The following RIOX2 variants were observed in gnomAD, a reference collection of about 807,000 sequenced individuals.
The protein encoded by RIOX2 is ribosomal oxygenase 2.
In RIOX2, 43 loss-of-function variants were observed where a neutral mutation model predicts 51.2. That is an observed-to-expected ratio of 0.84 (90% confidence interval 0.66 to 1.08). The LOEUF (loss-of-function observed/expected upper bound fraction) is 1.08. Among genes scored for constraint, RIOX2 ranks in the 50% least tolerant of loss-of-function variants. The pLI is 0.00. For missense variants in RIOX2, 566 were observed against 561.7 expected, an observed-to-expected ratio of 1.01 and a Z score of -0.08; for synonymous variants, 226 against 218.5, an observed-to-expected ratio of 1.03 and a Z score of -0.30.
intron 2 of RIOX2, among the ~76,000 whole-genome samples, chr3:97,965,291 C>G (rs2107190961): frequency 6.6e-6 from 1 of 150,570 alleles, no homozygotes; most frequent in East Asian, 2.0e-4. Flanking sequence ...GCGGGTGGAT[C>G]ACCTGAGGGC....
Position 97,943,476 on chromosome 3 carries a change from G to A in RIOX2, c.*1708C>T. ...CTCTGAGACTATCGCTCTTAACCATGGAAAAGCTCAAAATATTCTTGCCAT... is the reference window on the plus strand; with the variant it reads ...CTCTGAGACTATCGCTCTTAACCATAGAAAAGCTCAAAATATTCTTGCCAT... On this transcript the variant is annotated 3_prime_UTR_variant, in exon 10 of 10. Transcript: ENST00000394198. 1.7e-6 allele frequency: 1 copy of A among 577,458 alleles called. No homozygotes were observed. Among genetic ancestry groups the A allele is most frequent in the South Asian group, 2.2e-5 (1 of 46,200 alleles). 35.8% of individuals were successfully genotyped at this position (577,458 alleles called of 1,614,324 possible). A position where few individuals can be genotyped will look rare whatever the true frequency, so the allele number is the denominator to read the frequency against.
At chr3:97,966,076 A>G (rs1004695859) in intron 2 of RIOX2, among the ~76,000 whole-genome samples, 1 of 152,218 alleles carries the variant, frequency 6.6e-6, no homozygotes, top group African/African-American at 2.4e-5. Flanking sequence ...AAAATCTAAG[A>G]GCACTCATAC....
Position 97,945,885 on chromosome 3 carries a change from A to T in RIOX2, c.1152T>A (p.Asp384Glu). 6.3e-7 allele frequency: 1 copy of T among 1,599,038 alleles called. No individual in the cohort carries two copies. ...TGTACACCATCTTTTCTTGAGCTTC[A>T]TCCTTTGGGGAAAAAATAAATGCAT... The part of the protein sequence containing the change: ...LTVLPDQDQS[D>E]EAQEKMVYIY... The change falls in exon 9 of 10, where the codon GAT becomes GAA. Residue 384 changes from aspartate to glutamate, a missense_variant and splice_region_variant. Physicochemically the swap from Asp to Glu is conservative, Grantham distance 45. Coordinates refer to ENST00000394198, the MANE Select transcript of RIOX2 (RefSeq NM_153182.4).
At chr3:97,960,954 T>C (rs941410110) in intron 3 of RIOX2, among the ~76,000 whole-genome samples, 4 of 152,242 alleles carry the variant, frequency 2.6e-5, no homozygotes, top group Non-Finnish European at 4.4e-5. Context: ...TGAAAATGTA[T>C]TGATGTCAAA....
In RIOX2 at chr3:97,942,508, T is replaced by C; in HGVS notation, c.*2676A>G. 7.0e-7 allele frequency: 1 copy of C among 1,422,788 alleles called. No homozygotes were observed. Among genetic ancestry groups the C allele is most frequent in the African/African-American group, 1.4e-5 (1 of 70,460 alleles). The allele number at this position is 1,422,788 out of a possible 1,614,324, so 88.1% of individuals were successfully genotyped here. ...TTAGTTTCAGTTCCAAATCTCCTCA[T>C]TTTGGGTAAAGGACATCCTTATGTA... is the stretch of plus-strand genomic sequence containing the variant. On this transcript the variant is annotated 3_prime_UTR_variant, in exon 10 of 10. Coordinates refer to ENST00000394198, the MANE Select transcript of RIOX2 (RefSeq NM_153182.4).
intron 2 of RIOX2, among the ~76,000 whole-genome samples, chr3:97,965,823 T>C (rs1283103228): frequency 6.6e-6 from 1 of 152,232 alleles, no homozygotes; most frequent in Non-Finnish European, 1.5e-5. Flanking sequence ...AATTCATTTA[T>C]GTTTAGAGTT....
At chr3:97,955,244 G>C (rs1705407140) in intron 4 of RIOX2, among the ~76,000 whole-genome samples, 1 of 152,078 alleles carries the variant, frequency 6.6e-6, no homozygotes, top group African/African-American at 2.4e-5. Context: ...TGAAAAATAA[G>C]ATGTAATCAA....
rs773244845 is a variant in RIOX2, at chr3:97,959,093, G to A, written c.639C>T (p.Ala213=). ...VPLAREYSVE[A]EERIGRPVHE... is the part of the protein sequence containing the mutation. Reference sequence around the variant, plus strand: ...GCACCGGCCTGCCGATCCTTTCCTCGGCCTCCACGCTGTACTCTCGTGCCA... The same window carrying A: ...GCACCGGCCTGCCGATCCTTTCCTCAGCCTCCACGCTGTACTCTCGTGCCA... The change falls in exon 4 of 10, where the codon GCC becomes GCT. Residue 213 remains alanine, a synonymous_variant. Transcript: ENST00000394198. The A allele has an allele frequency of 9.7e-5, 157 of 1,612,376 alleles. No homozygotes were observed. Among genetic ancestry groups the A allele is most frequent in the Non-Finnish European group, 1.3e-4 (151 of 1,179,308 alleles).
chr3:97,943,216 T>C lies in RIOX2; in HGVS notation c.*1968A>G. The C allele has an allele frequency of 6.7e-7, 1 of 1,499,912 alleles. No individual in the cohort carries two copies. Among genetic ancestry groups the C allele is most frequent in the Non-Finnish European group, 9.2e-7 (1 of 1,088,094 alleles). The allele number at this position is 1,499,912 out of a possible 1,614,324, so 92.9% of individuals were successfully genotyped here. On this transcript the variant is annotated 3_prime_UTR_variant, in exon 10 of 10. Transcript: ENST00000394198. ...ACAAATAATCTTTTCTTTTGGAATTTCTATTTTAGGAGGAAATTATTGTGA... is the reference window on the plus strand; with the variant it reads ...ACAAATAATCTTTTCTTTTGGAATTCCTATTTTAGGAGGAAATTATTGTGA...
intron 2 of RIOX2, among the ~76,000 whole-genome samples, chr3:97,965,199 T>A (rs1216136623): frequency 1.1e-5 from 1 of 93,686 alleles, no homozygotes; most frequent in African/African-American, 4.5e-5. Context: ...GCACGGGTGG[T>A]ACAAAGAGAT....
At chr3:97,959,318 T>TTG in intron 3 of RIOX2, 139 bp from the exon 4 acceptor site, 2 of 829,888 alleles carry the variant, frequency 2.4e-6, no homozygotes, top group Non-Finnish European at 3.4e-6. Flanking sequence ...TTTTTTTTTT[T>TTG]TTTTTTTTTT....
intron 8 of RIOX2, 40 bp downstream of exon 8, chr3:97,947,321 C>A: frequency 6.5e-7 from 1 of 1,526,850 alleles, no homozygotes; most frequent in Non-Finnish European, 9.0e-7. Context: ...ATGAAAAACA[C>A]CCTGAGAAGA....
chr3:97,953,305 C>T (rs900942985), intron 5 of RIOX2, among the ~76,000 whole-genome samples: 10 of 152,128 alleles, frequency 6.6e-5, no homozygotes, highest in East Asian at 1.9e-4. Flanking sequence ...AAAACCCCTT[C>T]GATAAAATCC....
intron 2 of RIOX2, among the ~76,000 whole-genome samples, chr3:97,966,211 G>C (rs1576017798): frequency 6.6e-6 from 1 of 152,146 alleles, no homozygotes; most frequent in East Asian, 1.9e-4. Context: ...AACACTATTG[G>C]TAACTGACGA....
intron 5 of RIOX2, chr3:97,954,179 C>A: frequency 1.9e-6 from 1 of 520,094 alleles, no homozygotes. Context: ...CCACATCCTA[C>A]AGAGTCAGGT....
chr3:97,942,223 C>A lies in RIOX2; in HGVS notation c.*2961G>T. ...CTTGTTTACCTAAGATAAAAGGGAC[C>A]TAATTCAACTTACTTTAGCAAACAT... On this transcript the variant is annotated 3_prime_UTR_variant, in exon 10 of 10. Transcript: ENST00000394198. 6.8e-7 allele frequency: 1 copy of A among 1,471,122 alleles called. No homozygotes were observed. The highest frequency in any genetic ancestry group is 1.3e-5 in the South Asian group (1 of 74,742). 91.1% of individuals were successfully genotyped at this position (1,471,122 alleles called of 1,614,324 possible). A position where few individuals can be genotyped will look rare whatever the true frequency, so the allele number is the denominator to read the frequency against.
intron 4 of RIOX2, among the ~76,000 whole-genome samples, chr3:97,958,327 GAA>G (rs1229128841): frequency 3.0e-4 from 45 of 152,334 alleles, no homozygotes; most frequent in African/African-American, 9.4e-4. Context: ...CATGTTTTAA[GAA>G]AGAGTATAAA....
intron 7 of RIOX2, among the ~76,000 whole-genome samples, chr3:97,947,700 TAGAC>T (rs2040397752): frequency 6.6e-6 from 1 of 152,180 alleles, no homozygotes; most frequent in Non-Finnish European, 1.5e-5. Flanking sequence ...GTACAATAAA[TAGAC>T]AAAAATAATA....
intron 9 of RIOX2, 157 bp from the exon 10 acceptor site, chr3:97,945,499 T>G (rs1217986710): frequency 5.9e-6 from 4 of 678,322 alleles, no homozygotes; most frequent in African/African-American, 3.7e-5. Context: ...AGATGCCAAC[T>G]TCTATATAAA....
Sources: allele counts gnomAD v4.1 joint callset (sites outside exome capture counted in the v4.1 genomes callset), GRCh38; gene constraint gnomAD v4.1.1; transcripts MANE v1.5; gene names NCBI Gene and HGNC (gene_info 2026-07-23, HGNC 2026-07-21).